VNN1: variants seen among roughly 807,000 people sequenced by gnomAD.
VNN1 encodes the protein vanin 1, also known as pantetheinase.
A neutral mutation model predicts 41.9 loss-of-function variants in VNN1; 29 were observed. The observed-to-expected ratio is 0.69, with a 90% CI of 0.52 to 0.94. VNN1 has a LOEUF of 0.94. Among genes scored for constraint, VNN1 ranks in the 40% least tolerant of loss-of-function variants. The pLI is 0.00. For missense variants in VNN1, 637 were observed against 621.1 expected (o/e 1.03, Z -0.27); for synonymous variants, 233 against 224.4 (o/e 1.04, Z -0.34).
At chr6:132,712,553 C>T (rs45585839) in intron 1 of VNN1, among the ~76,000 whole-genome samples, 5,792 of 152,232 alleles carry the variant, frequency 0.038, 193 homozygotes, top group South Asian at 0.096. Flanking sequence ...CTTGAACTTT[C>T]GCTGATGACT....
At chr6:132,697,439 C>T (rs1303027901) in intron 2 of VNN1, among the ~76,000 whole-genome samples, 1 of 152,072 alleles carries the variant, frequency 6.6e-6, no homozygotes, top group East Asian at 1.9e-4. Context: ...CAATGGAAAT[C>T]CTGGAGCATT....
At chr6:132,685,924 A>C (rs1048907022) in intron 5 of VNN1, among the ~76,000 whole-genome samples, 2 of 152,142 alleles carry the variant, frequency 1.3e-5, no homozygotes, top group Non-Finnish European at 2.9e-5. Context: ...AATAACACTG[A>C]ATGTTGAAAA....
chr6:132,705,068 C>T (rs1778500666), intron 2 of VNN1, among the ~76,000 whole-genome samples: 1 of 152,038 alleles, frequency 6.6e-6, no homozygotes, highest in Non-Finnish European at 1.5e-5. Flanking sequence ...AAGCCCAGGA[C>T]TTAAAGGCTT....
intron 2 of VNN1, among the ~76,000 whole-genome samples, chr6:132,697,117 AGTTTAAAAAT>A (rs1465583858): frequency 8.4e-6 from 1 of 118,766 alleles, no homozygotes; most frequent in East Asian, 2.5e-4. Context: ...AAAAATAAAA[AGTTTAAAAAT>A]ATTTTAAAAA....
intron 5 of VNN1, among the ~76,000 whole-genome samples, chr6:132,685,623 T>A (rs1318789968): frequency 6.6e-6 from 1 of 152,066 alleles, no homozygotes; most frequent in Non-Finnish European, 1.5e-5. Flanking sequence ...GAAAACCAGG[T>A]CCTAAACTAG....
chr6:132,691,851 C>CA (rs1283011823), intron 5 of VNN1, among the ~76,000 whole-genome samples: 1 of 151,656 alleles, frequency 6.6e-6, no homozygotes, highest in African/African-American at 2.4e-5. Context: ...ACAACAACAA[C>CA]AAAAAAATTA....
chr6:132,694,050 G>A lies in VNN1; in HGVS notation c.474C>T (p.Tyr158=). 1 of 1,614,138 alleles carries A rather than the reference G, an allele frequency of 6.2e-7. No homozygotes were observed. The highest frequency in any genetic ancestry group is 1.1e-5 in the South Asian group (1 of 91,076). ...SDPQCPPDGR[Y]QYNTDVVFDS... is the part of the protein sequence containing the mutation. ...CAAATACCACATCAGTGTTGTATTG[G>A]TAACGGCCATCAGGGGGACACTGAG... The change falls in exon 3 of 7, where the codon TAC becomes TAT. Residue 158 remains tyrosine, a synonymous_variant. Coordinates refer to ENST00000367928, the MANE Select transcript of VNN1 (RefSeq NM_004666.3).
At chr6:132,700,716 T>C (rs1418792803) in intron 2 of VNN1, among the ~76,000 whole-genome samples, 1 of 152,214 alleles carries the variant, frequency 6.6e-6, no homozygotes, top group Admixed American at 6.5e-5. Context: ...CTCACAGTAA[T>C]GATTTATCTT....
intron 2 of VNN1, chr6:132,699,492 T>C: frequency 6.1e-6 from 1 of 162,636 alleles, no homozygotes; most frequent in South Asian, 1.6e-4. Context: ...ATGGTAGAGA[T>C]GTGACCTTCT....
In VNN1 at chr6:132,694,728, G is replaced by A. The variant is rs191585151; in HGVS notation, c.342-546C>T. Among the ~76,000 whole-genome samples the A allele has an allele frequency of 6.2e-4, 94 of 152,086 alleles. No individual in the cohort carries two copies. In the Middle Eastern group the frequency reaches 0.01, roughly 17 times the overall value. ...AAAAAAAAAAATAGCCAGGCATAGT[G>A]GTGTGTGCCTGTAGTCTCAGATATT... On this transcript the variant is annotated intron_variant, in intron 2 of 6. Coordinates refer to ENST00000367928, the MANE Select transcript of VNN1 (RefSeq NM_004666.3).
chr6:132,702,994 T>G (rs1365342156), intron 2 of VNN1, among the ~76,000 whole-genome samples: 10 of 151,594 alleles, frequency 6.6e-5, no homozygotes, highest in Non-Finnish European at 1.0e-4. Context: ...GAGGGAAGAG[T>G]AAAAGGACTT....
chr6:132,702,094 C>A (rs1778455552), intron 2 of VNN1, among the ~76,000 whole-genome samples: 1 of 152,202 alleles, frequency 6.6e-6, no homozygotes, highest in South Asian at 2.1e-4. Flanking sequence ...GGTTCCCAAT[C>A]CCTATGCCAT....
At position 132,711,583 on chromosome 6, in the gene VNN1, A is replaced by G. The variant is rs781369268; in HGVS notation, c.341+126T>C. 7.6e-4 allele frequency: 850 copies of G among 1,122,446 alleles called. 2 individuals carry two copies. Among genetic ancestry groups the G allele is most frequent in the Admixed American group, 1.3e-3 (45 of 34,772 alleles). 69.5% of individuals were successfully genotyped at this position (1,122,446 alleles called of 1,614,324 possible). On this transcript the variant is annotated intron_variant, in intron 2 of 6. Coordinates refer to ENST00000367928, the MANE Select transcript of VNN1 (RefSeq NM_004666.3). ...CTCCCAGTAAATATACCCATAGTAG[A>G]TGAAAAATAAGCTATACTGAAACTT... is the stretch of plus-strand genomic sequence containing the variant.
intron 6 of VNN1, among the ~76,000 whole-genome samples, chr6:132,684,116 A>G (rs1307125227): frequency 3.3e-5 from 5 of 152,082 alleles, no homozygotes; most frequent in Admixed American, 6.6e-5. Context: ...CCCCAAAATA[A>G]GATATATATT....
rs1410221641 is a variant in VNN1 at position 132,684,501 on chromosome 6, C to G, written c.1193G>C (p.Cys398Ser). 1 of 1,613,714 alleles carries G rather than the reference C, an allele frequency of 6.2e-7. No individual in the cohort carries two copies. The highest frequency in any genetic ancestry group is 2.2e-5 in the East Asian group (1 of 44,836). ...TVEGRYYLQI[C>S]TLLKCKTTNL... The stretch of plus-strand genomic sequence containing the variant: ...AGTCGTTTTACATTTCAACAGGGTA[C>G]AAATCTAGGGAAGTCATGAAAACCA... The change falls in exon 6 of 7, where the codon TGT becomes TCT. Residue 398 changes from cysteine (C) to serine (S), a missense_variant. Cys to Ser is a moderately radical substitution (Grantham distance 112, BLOSUM62 -1). Transcript: ENST00000367928.
chr6:132,707,280 A>C (rs975005567), intron 2 of VNN1, among the ~76,000 whole-genome samples: 5 of 151,824 alleles, frequency 3.3e-5, no homozygotes, highest in African/African-American at 7.3e-5. Context: ...ACACCTGTTA[A>C]AATGACTTAT....
chr6:132,708,654 C>T (rs915485234), intron 2 of VNN1, among the ~76,000 whole-genome samples: 1 of 152,164 alleles, frequency 6.6e-6, no homozygotes, highest in Non-Finnish European at 1.5e-5. Context: ...TTCAACAAAA[C>T]CTGCCAGTGC....
intron 1 of VNN1, among the ~76,000 whole-genome samples, chr6:132,713,060 G>T (rs761337165): frequency 6.6e-6 from 1 of 152,154 alleles, no homozygotes; most frequent in African/African-American, 2.4e-5. Flanking sequence ...ACCTGAGCCC[G>T]GGAAGTCAAG....
chr6:132,704,163 A>T (rs1195647948), intron 2 of VNN1, among the ~76,000 whole-genome samples: 1 of 152,102 alleles, frequency 6.6e-6, no homozygotes, highest in African/African-American at 2.4e-5. Flanking sequence ...AGAAGGAAAA[A>T]AAAAATAAAG....
Sources: gnomAD v4.1 joint callset for allele counts (sites outside exome capture counted in the v4.1 genomes callset) on GRCh38, gnomAD v4.1.1 for gene constraint, MANE v1.5 for transcripts, NCBI Gene and HGNC (gene_info 2026-07-23, HGNC 2026-07-21) for gene names.